Variants in CADM2 observed in about 807,000 individuals in gnomAD.
CADM2 encodes cell adhesion molecule 2, also known as immunoglobulin superfamily member 4D.
CADM2 carries 12 observed loss-of-function variants against 49.8 expected under a neutral mutation model. The ratio of observed to expected loss-of-function variants is 0.24; its 90% confidence interval spans 0.15 to 0.39. The LOEUF (loss-of-function observed/expected upper bound fraction) is 0.39. Among genes scored for constraint, CADM2 ranks in the 10% least tolerant of loss-of-function variants. The pLI, the probability that CADM2 is intolerant of heterozygous loss-of-function variation, is 1.00. For synonymous variants in CADM2, 214 were observed against 175.4 expected (o/e 1.22, Z -1.74); for missense variants, 378 against 492.3 (o/e 0.77, Z 2.20).
intron 1 of CADM2, among the ~76,000 whole-genome samples, chr3:84,961,606 T>C (rs2030521923): frequency 6.6e-6 from 1 of 152,080 alleles, no homozygotes; most frequent in East Asian, 1.9e-4. Context: ...ATTTCTCAGC[T>C]CTGCTGTGTG....
At chr3:85,305,421 A>G (rs1259182114) in intron 1 of CADM2, among the ~76,000 whole-genome samples, 1 of 151,700 alleles carries the variant, frequency 6.6e-6, no homozygotes, top group Non-Finnish European at 1.5e-5. Context: ...TTTCATATGT[A>G]CAGACAGTCA....
chr3:85,177,849 A>G (rs2040825248), intron 1 of CADM2, among the ~76,000 whole-genome samples: 1 of 152,012 alleles, frequency 6.6e-6, no homozygotes, highest in Non-Finnish European at 1.5e-5. Flanking sequence ...ATGAAATTTT[A>G]ATCTAATATT....
At chr3:85,188,388 C>T (rs2041116238) in intron 1 of CADM2, among the ~76,000 whole-genome samples, 1 of 151,990 alleles carries the variant, frequency 6.6e-6, no homozygotes, top group African/African-American at 2.4e-5. Flanking sequence ...GCTCTTGTTC[C>T]CATGTAGGTA....
At chr3:85,926,344 A>G (rs1050595164) in intron 6 of CADM2, among the ~76,000 whole-genome samples, 6 of 152,052 alleles carry the variant, frequency 3.9e-5, no homozygotes, top group Admixed American at 3.9e-4. Context: ...GTTAATTGCT[A>G]TTCTCCGTTC....
intron 1 of CADM2, among the ~76,000 whole-genome samples, chr3:85,103,918 A>G (rs2038109736): frequency 6.6e-6 from 1 of 152,182 alleles, no homozygotes; most frequent in Admixed American, 6.6e-5. Flanking sequence ...GTAGGTAACC[A>G]CACATGATTT....
At chr3:86,036,486 T>C (rs533742583) in intron 8 of CADM2, among the ~76,000 whole-genome samples, 2 of 152,094 alleles carry the variant, frequency 1.3e-5, no homozygotes, top group Admixed American at 6.6e-5. Flanking sequence ...ATTCCAAATA[T>C]AGTGAAAATG....
intron 1 of CADM2, among the ~76,000 whole-genome samples, chr3:85,699,581 G>A (rs1382554227): frequency 6.6e-6 from 1 of 152,238 alleles, no homozygotes; most frequent in Non-Finnish European, 1.5e-5. Context: ...CTGAGGCAGT[G>A]GCCTGAGCTT....
chr3:85,935,211 G>T (rs1721056503), intron 6 of CADM2, among the ~76,000 whole-genome samples: 1 of 152,022 alleles, frequency 6.6e-6, no homozygotes, highest in Non-Finnish European at 1.5e-5. Flanking sequence ...AATGCTATTG[G>T]AAGTGACTCA....
At chr3:85,059,949 G>A (rs1178587471) in intron 1 of CADM2, among the ~76,000 whole-genome samples, 17 of 151,736 alleles carry the variant, frequency 1.1e-4, no homozygotes, top group Admixed American at 1.1e-3. Context: ...AACCTGTTAA[G>A]TATATAGTTA....
chr3:84,995,340 C>T (rs771257641), intron 1 of CADM2, among the ~76,000 whole-genome samples: 3 of 152,150 alleles, frequency 2.0e-5, no homozygotes, highest in Non-Finnish European at 4.4e-5. Context: ...CTAACTCAGT[C>T]CACCAATATT....
At chr3:85,618,247 C>A (rs2063855515) in intron 1 of CADM2, among the ~76,000 whole-genome samples, 1 of 151,916 alleles carries the variant, frequency 6.6e-6, no homozygotes, top group Non-Finnish European at 1.5e-5. Flanking sequence ...ATCAGAATTA[C>A]TAATCAGAGG....
chr3:85,933,831 T>C (rs1240963937), intron 6 of CADM2, among the ~76,000 whole-genome samples: 1 of 152,138 alleles, frequency 6.6e-6, no homozygotes, highest in African/African-American at 2.4e-5. Flanking sequence ...TCAAACGACA[T>C]CAGGCAGGAA....
chr3:85,100,457 A>G (rs2037970509), intron 1 of CADM2, among the ~76,000 whole-genome samples: 1 of 152,200 alleles, frequency 6.6e-6, no homozygotes, highest in African/African-American at 2.4e-5. Context: ...AATGCATTGA[A>G]AAATAAAGCA....
intron 2 of CADM2, among the ~76,000 whole-genome samples, chr3:85,798,219 G>A (rs2071746777): frequency 6.6e-6 from 1 of 151,746 alleles, no homozygotes; most frequent in Admixed American, 6.6e-5. Flanking sequence ...TCCTTAGGTT[G>A]CCTATTCACT....
chr3:85,023,046 C>T (rs1044469469), intron 1 of CADM2, among the ~76,000 whole-genome samples: 2 of 151,894 alleles, frequency 1.3e-5, no homozygotes, highest in Non-Finnish European at 2.9e-5. Flanking sequence ...TATTCAATTG[C>T]TCAGAATAAT....
intron 1 of CADM2, among the ~76,000 whole-genome samples, chr3:85,261,007 T>C (rs1476697962): frequency 6.6e-6 from 1 of 152,126 alleles, no homozygotes; most frequent in Non-Finnish European, 1.5e-5. Context: ...TTTTTCATTT[T>C]TGATGAAGAA....
At chr3:85,162,685 A>G (rs1197756216) in intron 1 of CADM2, among the ~76,000 whole-genome samples, 1 of 152,114 alleles carries the variant, frequency 6.6e-6, no homozygotes, top group Non-Finnish European at 1.5e-5. Flanking sequence ...GTATTTTTAA[A>G]TAGTAATATT....
rs182965149 is a variant in CADM2, at chr3:85,951,370, T to C, written c.792-10099T>C. On this transcript the variant is annotated intron_variant, in intron 7 of 9. Transcript: ENST00000383699. ...AATCTATAATTTAAAAGATAAGTTGTTTAAGAGTTTACTTCATCTGGGTAA... is the reference window on the plus strand; with the variant it reads ...AATCTATAATTTAAAAGATAAGTTGCTTAAGAGTTTACTTCATCTGGGTAA... 1.2e-4 allele frequency among the ~76,000 whole-genome samples: 18 copies of C among 151,172 alleles called. No homozygotes were observed. The East Asian group carries it at 3.5e-3, about 29-fold the overall frequency.
chr3:85,306,423 A>G (rs2107020113), intron 1 of CADM2, among the ~76,000 whole-genome samples: 1 of 151,782 alleles, frequency 6.6e-6, no homozygotes, highest in East Asian at 1.9e-4. Flanking sequence ...CTTTTCTTTG[A>G]GCAAATATTG....
Sources: allele counts gnomAD v4.1 joint callset (sites outside exome capture counted in the v4.1 genomes callset), GRCh38; gene constraint gnomAD v4.1.1; transcripts MANE v1.5; gene names NCBI Gene and HGNC (gene_info 2026-07-23, HGNC 2026-07-21).